VWA8: variants seen among roughly 807,000 people sequenced by gnomAD.
VWA8 encodes von Willebrand factor A domain containing 8.
A neutral mutation model predicts 241.5 loss-of-function variants in VWA8; 221 were observed. The ratio of observed to expected loss-of-function variants is 0.91; its 90% confidence interval spans 0.82 to 1.02. The LOEUF (loss-of-function observed/expected upper bound fraction) is 1.02. VWA8 is among the 50% of genes least tolerant of loss of function. The pLI, the probability that VWA8 is intolerant of heterozygous loss-of-function variation, is 0.00. For synonymous variants in VWA8, 852 were observed against 827.1 expected (o/e 1.03, Z -0.52); for missense variants, 2,322 against 2,328.7 (o/e 1.00, Z 0.06).
chr13:41,755,479 A>G (rs2045688089), intron 21 of VWA8, among the ~76,000 whole-genome samples: 1 of 152,016 alleles, frequency 6.6e-6, no homozygotes. Context: ...TAAAATATAA[A>G]TATTTAGCTT....
intron 42 of VWA8, among the ~76,000 whole-genome samples, chr13:41,576,246 T>G (rs907953619): frequency 6.6e-6 from 1 of 152,232 alleles, no homozygotes; most frequent in African/African-American, 2.4e-5. Context: ...TATTTCTCTT[T>G]GAATTTCTAG....
At chr13:41,776,413 C>T (rs2137927101) in intron 20 of VWA8, among the ~76,000 whole-genome samples, 1 of 152,264 alleles carries the variant, frequency 6.6e-6, no homozygotes. Context: ...ATATCAAGAG[C>T]CAAATTCTGA....
intron 17 of VWA8, among the ~76,000 whole-genome samples, chr13:41,805,258 A>T (rs551658134): frequency 6.6e-6 from 1 of 152,348 alleles, no homozygotes; most frequent in South Asian, 2.1e-4. Context: ...AAGAAAAACC[A>T]GGAGTCACTA....
At chr13:41,797,579 T>C (rs1192216726) in intron 17 of VWA8, among the ~76,000 whole-genome samples, 2 of 152,210 alleles carry the variant, frequency 1.3e-5, no homozygotes, top group African/African-American at 4.8e-5. Flanking sequence ...CAATTTCTCC[T>C]GTCTTCAATT....
chr13:41,596,569 T>G (rs1449314099), intron 40 of VWA8, among the ~76,000 whole-genome samples: 1 of 152,106 alleles, frequency 6.6e-6, no homozygotes, highest in African/African-American at 2.4e-5. Context: ...CCTGTAAATA[T>G]GTCCATCTGT....
intron 20 of VWA8, among the ~76,000 whole-genome samples, chr13:41,763,839 T>C (rs1159403029): frequency 2.6e-5 from 4 of 152,184 alleles, no homozygotes; most frequent in Admixed American, 1.3e-4. Flanking sequence ...AAATTCCTCC[T>C]GAGCAAGGCA....
At chr13:41,736,497 T>C (rs3862743) in intron 21 of VWA8, among the ~76,000 whole-genome samples, 53,804 of 152,078 alleles carry the variant, frequency 0.35, 9,654 homozygotes, top group Admixed American at 0.37. Flanking sequence ...ATATTGCTTA[T>C]AAAGGTACAT....
At chr13:41,673,395 G>A (rs1272631722) in intron 36 of VWA8, among the ~76,000 whole-genome samples, 1 of 152,146 alleles carries the variant, frequency 6.6e-6, no homozygotes, top group South Asian at 2.1e-4. Flanking sequence ...GTCCAGATGG[G>A]TTGTTCCCTT....
At chr13:41,917,972 T>C (rs12868711) in intron 2 of VWA8, among the ~76,000 whole-genome samples, 36,446 of 152,182 alleles carry the variant, frequency 0.24, 5,195 homozygotes, top group Non-Finnish European at 0.31. Flanking sequence ...GCTCATCTGC[T>C]AAACTTTCCC....
chr13:41,881,717 C>T (rs1874207968), intron 9 of VWA8, among the ~76,000 whole-genome samples: 1 of 145,944 alleles, frequency 6.9e-6, no homozygotes, highest in Non-Finnish European at 1.5e-5. Context: ...GGGCGGCTGG[C>T]CGGGCTGGGG....
chr13:41,585,136 C>CT (rs1377239404), intron 42 of VWA8, among the ~76,000 whole-genome samples: 1 of 151,680 alleles, frequency 6.6e-6, no homozygotes, highest in Admixed American at 6.6e-5. Context: ...GATATTGTTC[C>CT]TTTTTTGTGT....
At chr13:41,628,768 C>T (rs560481521) in intron 37 of VWA8, among the ~76,000 whole-genome samples, 1 of 152,284 alleles carries the variant, frequency 6.6e-6, no homozygotes, top group South Asian at 2.1e-4. Context: ...ACAGGCCGGG[C>T]ACAGTGGCTC....
intron 9 of VWA8, among the ~76,000 whole-genome samples, chr13:41,872,753 T>A (rs868475209): frequency 1.3e-5 from 2 of 152,116 alleles, no homozygotes; most frequent in Admixed American, 6.5e-5. Flanking sequence ...TGCCTCCAGC[T>A]TTGTTCTTTT....
intron 40 of VWA8, among the ~76,000 whole-genome samples, chr13:41,598,811 C>T (rs2044504201): frequency 6.7e-6 from 1 of 149,786 alleles, no homozygotes; most frequent in South Asian, 2.1e-4. Context: ...TTTTCAACTG[C>T]TTCTCTGCTT....
intron 14 of VWA8, among the ~76,000 whole-genome samples, chr13:41,821,437 T>C (rs560458394): frequency 1.3e-5 from 2 of 152,252 alleles, no homozygotes; most frequent in East Asian, 3.9e-4. Context: ...GGGAAGTCAT[T>C]TCCTGATGAT....
At chr13:41,723,598 T>C (rs537058877) in intron 24 of VWA8, among the ~76,000 whole-genome samples, 1 of 152,166 alleles carries the variant, frequency 6.6e-6, no homozygotes, top group African/African-American at 2.4e-5. Flanking sequence ...ATTCTGAATA[T>C]ATTTCGAGGG....
intron 21 of VWA8, among the ~76,000 whole-genome samples, chr13:41,736,874 C>T (rs1211731800): frequency 1.8e-4 from 25 of 139,488 alleles, no homozygotes; most frequent in Non-Finnish European, 3.1e-4. Flanking sequence ...GACAGAGTCT[C>T]GCTTTGTCAC....
chr13:41,944,599 C>T (rs1450236303), intron 2 of VWA8, among the ~76,000 whole-genome samples: 1 of 152,166 alleles, frequency 6.6e-6, no homozygotes, highest in Non-Finnish European at 1.5e-5. Context: ...AGGCGTGAGC[C>T]CAATTGTTTT....
At chr13:41,663,886 A>G (rs920537439) in intron 37 of VWA8, among the ~76,000 whole-genome samples, 7 of 151,378 alleles carry the variant, frequency 4.6e-5, no homozygotes, top group African/African-American at 1.7e-4. Flanking sequence ...TATAGTAATG[A>G]TAATAAAGTG....
Sources: allele counts gnomAD v4.1 joint callset (sites outside exome capture counted in the v4.1 genomes callset), GRCh38; gene constraint gnomAD v4.1.1; transcripts MANE v1.5; gene names NCBI Gene and HGNC (gene_info 2026-07-23, HGNC 2026-07-21).